ANXA8: variants seen among roughly 807,000 people sequenced by gnomAD.
The protein encoded by ANXA8 is annexin A8.
ANXA8 carries 9 observed loss-of-function variants against 26.8 expected under a neutral mutation model. The observed-to-expected ratio is 0.34, with a 90% CI of 0.20 to 0.59. The LOEUF (loss-of-function observed/expected upper bound fraction) is 0.59, where lower values mean the gene tolerates loss of function less well. Ranked by LOEUF, ANXA8 falls within the 20% of genes least tolerant of loss-of-function variation. The pLI is 0.84. For missense variants in ANXA8, 83 were observed against 238.5 expected (o/e 0.35, Z 4.29); for synonymous variants, 39 against 94.8 (o/e 0.41, Z 3.42).
At chr10:47,959,839 C>A in the ANXA8 span, among the ~76,000 whole-genome samples, 1 of 151,060 alleles carries the variant, frequency 6.6e-6, no homozygotes, top group Non-Finnish European at 1.5e-5. Context: ...GGTGCTGTGC[C>A]CGCTTCTAAG....
At chr10:47,895,106 A>AAC in the ANXA8 span, among the ~76,000 whole-genome samples, 4 of 151,794 alleles carry the variant, frequency 2.6e-5, no homozygotes, top group Non-Finnish European at 5.9e-5. Flanking sequence ...ATATCACATA[A>AAC]ACACACACAC....
the ANXA8 span, among the ~76,000 whole-genome samples, chr10:47,697,726 GT>G: frequency 1.9e-5 from 2 of 103,606 alleles, no homozygotes; most frequent in Non-Finnish European, 3.9e-5. Flanking sequence ...TTTATTATGT[GT>G]TGACATTGTT....
At chr10:47,558,130 A>T in the ANXA8 span, among the ~76,000 whole-genome samples, 1 of 151,968 alleles carries the variant, frequency 6.6e-6, no homozygotes, top group African/African-American at 2.4e-5. Context: ...TTAACATAAA[A>T]TAACTGTTTA....
At chr10:47,916,562 C>T in the ANXA8 span, among the ~76,000 whole-genome samples, 2 of 130,870 alleles carry the variant, frequency 1.5e-5, no homozygotes, top group Non-Finnish European at 3.6e-5. Context: ...CACTCTACTT[C>T]TTTGAGGCTC....
At chr10:47,685,626 A>G in the ANXA8 span, among the ~76,000 whole-genome samples, 97 of 151,838 alleles carry the variant, frequency 6.4e-4, 2 homozygotes, top group Admixed American at 7.9e-4. Flanking sequence ...TATGTAAAGC[A>G]CAGTTGTATA....
At chr10:47,700,065 A>G in the ANXA8 span, among the ~76,000 whole-genome samples, 1 of 152,002 alleles carries the variant, frequency 6.6e-6, no homozygotes, top group South Asian at 2.1e-4. Flanking sequence ...TCAACATTAT[A>G]ATGATGTCAG....
At chr10:47,702,260 A>C in the ANXA8 span, among the ~76,000 whole-genome samples, 4 of 151,138 alleles carry the variant, frequency 2.6e-5, no homozygotes, top group Middle Eastern at 3.4e-3. Context: ...TTGAGCGAGC[A>C]CAGCACAGAT....
chr10:47,768,840 G>T, the ANXA8 span, among the ~76,000 whole-genome samples: 1 of 151,164 alleles, frequency 6.6e-6, no homozygotes, highest in Middle Eastern at 3.4e-3. Flanking sequence ...GGAAGCAGCC[G>T]GGCTCCCTCA....
chr10:47,674,989 T>G, the ANXA8 span, among the ~76,000 whole-genome samples: 1 of 148,672 alleles, frequency 6.7e-6, no homozygotes, highest in East Asian at 1.9e-4. Context: ...ATATGCTTTA[T>G]CTAGTATATT....
the ANXA8 span, among the ~76,000 whole-genome samples, chr10:47,969,740 G>T: frequency 6.7e-6 from 1 of 149,928 alleles, no homozygotes; most frequent in Non-Finnish European, 1.5e-5. Context: ...CTAAGAGATG[G>T]GGTCTCGCTT....
the ANXA8 span, among the ~76,000 whole-genome samples, chr10:47,669,505 ATCTGGGAGTTTGAG>A: frequency 2.6e-3 from 387 of 151,618 alleles, no homozygotes; most frequent in Non-Finnish European, 3.8e-3. Context: ...GACTCCTTGC[ATCTGGGAGTTTGAG>A]AGAAGCCTGG....
the ANXA8 span, among the ~76,000 whole-genome samples, chr10:47,495,153 AGAG>A: frequency 1.4e-3 from 215 of 151,060 alleles, no homozygotes; most frequent in African/African-American, 3.2e-3. Flanking sequence ...ATGCAGTCCA[AGAG>A]GGAGTGGGCA....
chr10:47,497,887 C>A, the ANXA8 span, among the ~76,000 whole-genome samples: 2 of 151,914 alleles, frequency 1.3e-5, no homozygotes, highest in Admixed American at 6.6e-5. Context: ...TGCAGTGAGC[C>A]GAGACGGCGC....
At chr10:47,581,694 C>T in the ANXA8 span, 5 of 296,690 alleles carry the variant, frequency 1.7e-5, 1 homozygote, top group African/African-American at 4.5e-5. Context: ...GCAAGCTCTG[C>T]CTCCTGGGTT....
chr10:47,652,945 T>C, the ANXA8 span, among the ~76,000 whole-genome samples: 1 of 151,394 alleles, frequency 6.6e-6, no homozygotes, highest in Admixed American at 6.6e-5. Context: ...ATATTATATT[T>C]ATAAAGATCA....
chr10:47,502,113 C>T, the ANXA8 span: 13 of 1,573,534 alleles, frequency 8.3e-6, no homozygotes, highest in East Asian at 2.4e-5. Flanking sequence ...TGCAGAAGCA[C>T]GTTGATGCAC....
the ANXA8 span, among the ~76,000 whole-genome samples, chr10:47,966,398 G>A: frequency 6.6e-6 from 1 of 150,892 alleles, no homozygotes; most frequent in Non-Finnish European, 1.5e-5. Context: ...CAGCTTTGGT[G>A]TAAGTCAATG....
At chr10:47,727,474 GT>G in the ANXA8 span, among the ~76,000 whole-genome samples, 7 of 145,074 alleles carry the variant, frequency 4.8e-5, no homozygotes, top group East Asian at 8.0e-4. Context: ...TGTTTTTTGT[GT>G]TTTTTTTTAG....
At chr10:47,585,924 T>A in the ANXA8 span, among the ~76,000 whole-genome samples, 1 of 90,670 alleles carries the variant, frequency 1.1e-5, no homozygotes, top group Admixed American at 1.2e-4. Flanking sequence ...TTATCCTAGA[T>A]GATAAAGTGC....
Sources: allele counts gnomAD v4.1 joint callset (sites outside exome capture counted in the v4.1 genomes callset), GRCh38; gene constraint gnomAD v4.1.1; transcripts MANE v1.5; gene names NCBI Gene and HGNC (gene_info 2026-07-23, HGNC 2026-07-21).